Variants in PCDHGB3 observed in about 807,000 individuals in gnomAD.
PCDHGB3 encodes protocadherin gamma-B3.
PCDHGB3 carries 40 observed loss-of-function variants against 59.2 expected under a neutral mutation model. The observed-to-expected ratio is 0.68, with a 90% CI of 0.52 to 0.88. PCDHGB3 has a LOEUF of 0.88. PCDHGB3 is among the 40% of genes least tolerant of loss of function. The pLI is 0.00. For synonymous variants in PCDHGB3, 581 were observed against 503.6 expected (o/e 1.15, Z -2.06); for missense variants, 1,309 against 1,187.9 (o/e 1.10, Z -1.50).
intron 1 of PCDHGB3, chr5:141,403,168 G>A: frequency 1.2e-6 from 2 of 1,614,032 alleles, no homozygotes; most frequent in African/African-American, 1.3e-5. Context: ...GAGGTAGGAC[G>A]CAGCTTTTCT....
At chr5:141,434,392 C>T (rs906051301) in intron 1 of PCDHGB3, among the ~76,000 whole-genome samples, 4 of 152,210 alleles carry the variant, frequency 2.6e-5, no homozygotes, top group African/African-American at 9.6e-5. Context: ...TGGCCATAAA[C>T]AAAATCTCTG....
rs1255326344 is a variant in PCDHGB3, at chr5:141,431,636, A to G, written c.2415+58827A>G. 6.2e-7 allele frequency: 1 copy of G among 1,614,254 alleles called. No homozygotes were observed. ...GGACGACAAGGCGGCCCAAGTTTTC[A>G]AACTAGATTGTAATTCAGGGACAAT... On this transcript the variant is annotated intron_variant, in intron 1 of 3. Transcript: ENST00000576222. This position sits in a 1 kb window ranked among gnomAD's most constrained non-coding sequence, Gnocchi z 4.8.
chr5:141,421,888 C>T (rs1387624358), intron 1 of PCDHGB3: 5 of 1,613,746 alleles, frequency 3.1e-6, no homozygotes. Flanking sequence ...TGGAGGCGAT[C>T]CCATCCGAAA....
intron 1 of PCDHGB3, among the ~76,000 whole-genome samples, chr5:141,488,782 C>T (rs990081222): frequency 2.0e-5 from 3 of 152,178 alleles, no homozygotes; most frequent in Non-Finnish European, 1.5e-5. Flanking sequence ...TTTTGTATCA[C>T]TTTGTCTTCC....
intron 1 of PCDHGB3, among the ~76,000 whole-genome samples, chr5:141,492,559 C>G (rs533830391): frequency 2.0e-5 from 3 of 152,174 alleles, no homozygotes; most frequent in Non-Finnish European, 4.4e-5. Context: ...GCCTGGGGGG[C>G]GGCCTGAGCG....
At position 141,371,053 on chromosome 5, in the gene PCDHGB3, C is replaced by T. The variant is rs749864646; in HGVS notation, c.659C>T (p.Pro220Leu). Reference sequence around the variant, plus strand: ...CTCACAGCTGTGGATGGGGGCGAGCCCTCCAGAAGCTGTACCACCCAGATC... The same window carrying T: ...CTCACAGCTGTGGATGGGGGCGAGCTCTCCAGAAGCTGTACCACCCAGATC... ...LVLTAVDGGE[P>L]SRSCTTQIRV... The change falls in exon 1 of 4, where the codon CCC becomes CTC. Residue 220 changes from proline (P) to leucine (L), a missense_variant. Pro to Leu is a moderately conservative substitution (Grantham distance 98). Transcript: ENST00000576222. 2 of 1,613,924 alleles carry T rather than the reference C, an allele frequency of 1.2e-6. No homozygotes were observed. The highest frequency in any genetic ancestry group is 1.7e-6 in the Non-Finnish European group (2 of 1,179,870).
chr5:141,439,443 G>A (rs867907022), intron 1 of PCDHGB3, among the ~76,000 whole-genome samples: 1 of 152,164 alleles, frequency 6.6e-6, no homozygotes, highest in Non-Finnish European at 1.5e-5. Flanking sequence ...ATATTTTATT[G>A]CGGGAGCAAG....
At chr5:141,380,044 T>G (rs2150154825) in intron 1 of PCDHGB3, among the ~76,000 whole-genome samples, 1 of 151,770 alleles carries the variant, frequency 6.6e-6, no homozygotes, top group African/African-American at 2.4e-5. Context: ...GGATTACAGG[T>G]GCATGCCACC....
chr5:141,373,338 G>T (rs1251212812), intron 1 of PCDHGB3, among the ~76,000 whole-genome samples: 1 of 152,166 alleles, frequency 6.6e-6, no homozygotes, highest in Non-Finnish European at 1.5e-5. Context: ...ATCTAAAATG[G>T]CAACTCTTGT....
rs562872139 is a variant in PCDHGB3 at position 141,408,923 on chromosome 5, G to A, written c.2415+36114G>A. The A allele has an allele frequency of 5.6e-6, 9 of 1,613,488 alleles. No individual in the cohort carries two copies. The African/African-American group carries it at 1.1e-4, about 19-fold the overall frequency. ...CAAGGATACCAATGATAACCCCCCG[G>A]TTTTCAGCAGAGACGAATATAGAAT... On this transcript the variant is annotated intron_variant, in intron 1 of 3. Coordinates refer to ENST00000576222, the MANE Select transcript of PCDHGB3 (RefSeq NM_018924.5).
intron 1 of PCDHGB3, among the ~76,000 whole-genome samples, chr5:141,439,251 A>G (rs1467023466): frequency 6.6e-6 from 1 of 152,112 alleles, no homozygotes; most frequent in Non-Finnish European, 1.5e-5. Context: ...ATTTCAGCTG[A>G]AGATTCAGCC....
chr5:141,437,355 A>C (rs2097877902), intron 1 of PCDHGB3, among the ~76,000 whole-genome samples: 1 of 152,238 alleles, frequency 6.6e-6, no homozygotes, highest in Non-Finnish European at 1.5e-5. Flanking sequence ...ATAGTACCTA[A>C]AATTGGAATG....
rs1214425261 is a variant in PCDHGB3 at position 141,485,865 on chromosome 5, C to G, written c.2416-8942C>G. On this transcript the variant is annotated intron_variant, in intron 1 of 3. Coordinates refer to ENST00000576222, the MANE Select transcript of PCDHGB3 (RefSeq NM_018924.5). This position sits in a 1 kb window ranked among gnomAD's most constrained non-coding sequence, Gnocchi z 5.7. The stretch of plus-strand genomic sequence containing the variant: ...TCTGGCACCGCAGAGCTCCGGGTAT[C>G]CGTGCTGGACGTAAACGACAACGCC... The G allele has an allele frequency of 1.2e-6, 2 of 1,614,182 alleles. No individual in the cohort carries two copies.
intron 1 of PCDHGB3, chr5:141,374,140 C>T: frequency 6.2e-7 from 1 of 1,609,666 alleles, no homozygotes; most frequent in South Asian, 1.1e-5. Flanking sequence ...TCCTCACGCT[C>T]CTGGGGACGC....
At chr5:141,427,584 A>G in intron 1 of PCDHGB3, 1 of 674,672 alleles carries the variant, frequency 1.5e-6, no homozygotes, top group Non-Finnish European at 2.7e-6. Context: ...CTCATCCAGC[A>G]CAAGCCTCAC....
Position 141,415,740 on chromosome 5 carries a change from GTTTTTTTTTTTTTTTT to G in PCDHGB3, c.2415+42948_2415+42963del, listed in dbSNP as rs57426385. 54 of 625,040 alleles carry G rather than the reference GTTTTTTTTTTTTTTTT, an allele frequency of 8.6e-5. 1 individual carries two copies. The East Asian group carries it at 1.4e-3, about 16-fold the overall frequency. The allele number at this position is 625,040 out of a possible 1,614,324, so 38.7% of individuals were successfully genotyped here. ...TGAGTAGAATTTGATGTTTATTAAG[GTTTTTTTTTTTTTTTT>G]TTTTTTTTTTTTTTTTACTTTCTGG... On this transcript the variant is annotated intron_variant, in intron 1 of 3. Transcript: ENST00000576222.
At chr5:141,508,700 CCT>C in intron 3 of PCDHGB3, among the ~76,000 whole-genome samples, 1 of 152,158 alleles carries the variant, frequency 6.6e-6, no homozygotes, top group Non-Finnish European at 1.5e-5. Flanking sequence ...CCGTGTTCCT[CCT>C]CATTCTTTTC....
intron 1 of PCDHGB3, chr5:141,374,893 T>C (rs1261699013): frequency 1.9e-6 from 3 of 1,613,834 alleles, no homozygotes. Context: ...CCGACCAGGA[T>C]GAAGGAGTCC....
At chr5:141,399,425 G>A (rs2093805755) in intron 1 of PCDHGB3, 1 of 1,613,990 alleles carries the variant, frequency 6.2e-7, no homozygotes. Context: ...TCCAGCATAA[G>A]CGTCATCCTA....
Sources: gnomAD v4.1 joint callset for allele counts (sites outside exome capture counted in the v4.1 genomes callset) on GRCh38, gnomAD v4.1.1 for gene constraint, Gnocchi (gnomAD v3.1) non-coding constraint, MANE v1.5 for transcripts, NCBI Gene and HGNC (gene_info 2026-07-23, HGNC 2026-07-21) for gene names.